CNDP2: variants seen among roughly 807,000 people sequenced by gnomAD.
The protein encoded by CNDP2 is carnosine dipeptidase 2.
CNDP2 carries 38 observed loss-of-function variants against 55.0 expected under a neutral mutation model. That is an observed-to-expected ratio of 0.69 (90% CI 0.53 to 0.90). The LOEUF (loss-of-function observed/expected upper bound fraction) is 0.90. Ranked by LOEUF, CNDP2 falls within the 40% of genes least tolerant of loss-of-function variation. CNDP2 has a pLI of 0.00. For missense variants in CNDP2, 607 were observed against 621.7 expected (o/e 0.98, Z 0.25); for synonymous variants, 241 against 260.2 (o/e 0.93, Z 0.71).
intron 9 of CNDP2, chr18:74,518,288 G>C: frequency 2.1e-6 from 1 of 470,024 alleles, no homozygotes; most frequent in Non-Finnish European, 3.8e-6. Context: ...AAAAAAAGAA[G>C]TCTCCTCTTT....
intron 6 of CNDP2, among the ~76,000 whole-genome samples, chr18:74,511,444 C>T (rs547359324): frequency 6.6e-5 from 10 of 152,174 alleles, no homozygotes; most frequent in East Asian, 1.9e-4. Flanking sequence ...CAGTGGCTCA[C>T]GCCTGTAATC....
At chr18:74,518,668 C>T (rs771247384) in intron 10 of CNDP2, 28 bp downstream of exon 10, 38 of 1,613,224 alleles carry the variant, frequency 2.4e-5, no homozygotes, top group East Asian at 1.1e-4. Flanking sequence ...TGGATGATGC[C>T]GCGCAGGGCC....
In CNDP2 at chr18:74,508,850, T is replaced by C. The variant is rs1472264204; in HGVS notation, c.378T>C (p.Tyr126=). The C allele has an allele frequency of 1.2e-6, 2 of 1,613,874 alleles. No homozygotes were observed. The highest frequency in any genetic ancestry group is 1.7e-6 in the Non-Finnish European group (2 of 1,179,910). Reference sequence around the variant, plus strand: ...GGATTGCTGTTCTAGGCAAGCTGTATGGGAGAGGTTCGACTGATGATAAGG... The same window carrying C: ...GGATTGCTGTTCTAGGCAAGCTGTACGGGAGAGGTTCGACTGATGATAAGG... ...FTLVERDGKL[Y]GRGSTDDKGP... is the part of the protein sequence containing the mutation. Residue 126 remains tyrosine (Y), a synonymous_variant, in exon 5 of 12, where the codon TAT becomes TAC. Transcript: ENST00000324262.
chr18:74,498,306 G>A (rs564868529), intron 1 of CNDP2, among the ~76,000 whole-genome samples: 1 of 152,184 alleles, frequency 6.6e-6, no homozygotes, highest in East Asian at 1.9e-4. Context: ...CTACAAACCC[G>A]TACATGTACC....
In CNDP2 at chr18:74,522,454, C is replaced by T. The variant is rs1980107349; in HGVS notation, c.*2386C>T. Reference sequence around the variant, plus strand: ...GGAACCCATGCTGAGAGGTGCTATGCTTTGAATGTTTGGCTCCTCCCAAAC... The same window carrying T: ...GGAACCCATGCTGAGAGGTGCTATGTTTTGAATGTTTGGCTCCTCCCAAAC... On this transcript the variant is annotated 3_prime_UTR_variant, in exon 12 of 12. Coordinates refer to ENST00000324262, the MANE Select transcript of CNDP2 (RefSeq NM_018235.3). 1 of 152,286 alleles carries T rather than the reference C, an allele frequency of 6.6e-6. No homozygotes were observed. The highest frequency in any genetic ancestry group is 1.5e-5 in the Non-Finnish European group (1 of 68,072). 9.4% of individuals were successfully genotyped at this position (152,286 alleles called of 1,614,324 possible).
At chr18:74,499,583 A>T (rs983055592) in intron 1 of CNDP2, 2 of 197,148 alleles carry the variant, frequency 1.0e-5, no homozygotes, top group African/African-American at 4.7e-5. Flanking sequence ...TTGTGCTTTA[A>T]GAGTGTAAAA....
chr18:74,499,615 AAACT>A (rs1978579721), intron 1 of CNDP2: 2 of 244,074 alleles, frequency 8.2e-6, no homozygotes, highest in Non-Finnish European at 1.6e-5. Context: ...AGTACCAGTA[AAACT>A]AAAAGTGCCT....
At chr18:74,502,823 G>A (rs1978785125) in intron 3 of CNDP2, among the ~76,000 whole-genome samples, 1 of 152,152 alleles carries the variant, frequency 6.6e-6, no homozygotes, top group Admixed American at 6.5e-5. Context: ...TCATCAGAGG[G>A]AGAGAGTGGA....
intron 6 of CNDP2, 109 bp from the exon 7 acceptor site, chr18:74,512,339 T>G: frequency 2.0e-6 from 2 of 1,012,354 alleles, no homozygotes; most frequent in Non-Finnish European, 2.9e-6. Context: ...CAAATTTTGA[T>G]TTGGGAAATT....
At chr18:74,510,376 A>G (rs538232695) in intron 5 of CNDP2, among the ~76,000 whole-genome samples, 1 of 152,220 alleles carries the variant, frequency 6.6e-6, no homozygotes, top group African/African-American at 2.4e-5. Flanking sequence ...TGATCCAGAC[A>G]CACGGCAAGG....
rs181356946 is a variant in CNDP2 at position 74,518,219 on chromosome 18, G to A, written c.1069-280G>A. The A allele has an allele frequency of 6.3e-3, 1,419 of 225,288 alleles. 7 individuals carry two copies. Among genetic ancestry groups the A allele is most frequent in the Non-Finnish European group, 8.8e-3 (984 of 111,696 alleles). The allele number at this position is 225,288 out of a possible 1,614,324, so 14.0% of individuals were successfully genotyped here. The stretch of plus-strand genomic sequence containing the variant: ...GGAGCTTGCAGTGAGCCGAGATCAC[G>A]CCACTGTGCTCCAGCCTGGACAACA... On this transcript the variant is annotated intron_variant, in intron 9 of 11. Transcript: ENST00000324262.
chr18:74,496,691 C>G (rs1978432648), intron 1 of CNDP2, among the ~76,000 whole-genome samples: 2 of 152,326 alleles, frequency 1.3e-5, no homozygotes, highest in East Asian at 3.9e-4. Flanking sequence ...CGAGCGCGTC[C>G]CCGGTACGCA....
chr18:74,510,755 C>T, intron 5 of CNDP2, 58 bp from the exon 6 acceptor site: 4 of 1,436,436 alleles, frequency 2.8e-6, no homozygotes, highest in Non-Finnish European at 3.9e-6. Flanking sequence ...CTGAGTGTGG[C>T]TTCTAGAAGG....
chr18:74,508,614 A>C, intron 4 of CNDP2: 3 of 473,380 alleles, frequency 6.3e-6, no homozygotes, highest in South Asian at 3.1e-5. Context: ...ACGGTGGGAG[A>C]AGGAAGGGGT....
chr18:74,505,785 C>T, intron 3 of CNDP2, 64 bp from the exon 4 acceptor site: 3 of 1,579,390 alleles, frequency 1.9e-6, no homozygotes, highest in Non-Finnish European at 2.6e-6. Flanking sequence ...TTAATAATCT[C>T]CACCTTAAGC....
At chr18:74,518,348 A>G in intron 9 of CNDP2, 151 bp from the exon 10 acceptor site, 2 of 704,750 alleles carry the variant, frequency 2.8e-6, no homozygotes, top group South Asian at 3.7e-5. Flanking sequence ...AATGAGACTC[A>G]TCGTAGACTC....
Position 74,518,970 on chromosome 18 carries a change from T to C in CNDP2, c.1232T>C (p.Leu411Ser). 2 of 1,614,194 alleles carry C rather than the reference T, an allele frequency of 1.2e-6. No individual in the cohort carries two copies. The highest frequency in any genetic ancestry group is 1.7e-6 in the Non-Finnish European group (2 of 1,180,028). The stretch of plus-strand genomic sequence containing the variant: ...CCAGTTTTTGGTGTTGAGCCAGACT[T>C]GACCAGGGAAGGCGGCAGTATTCCC... ...MKTVFGVEPD[L>S]TREGGSIPVT... The change falls in exon 11 of 12, where the codon TTG (leucine) becomes TCG (serine). Residue 411 changes from leucine to serine, a missense_variant. Transcript: ENST00000324262.
At chr18:74,508,076 A>C (rs1170756524) in intron 4 of CNDP2, 1 of 152,412 alleles carries the variant, frequency 6.6e-6, no homozygotes, top group East Asian at 1.9e-4. Context: ...AAGCAGGCTG[A>C]GCCCCGGGAG....
At chr18:74,505,724 C>T in intron 3 of CNDP2, 125 bp from the exon 4 acceptor site, 1 of 1,028,612 alleles carries the variant, frequency 9.7e-7, no homozygotes, top group Non-Finnish European at 1.4e-6. Flanking sequence ...TGCTCTTAAA[C>T]TCTACAATAG....
Sources: allele counts gnomAD v4.1 joint callset (sites outside exome capture counted in the v4.1 genomes callset), GRCh38; gene constraint gnomAD v4.1.1; transcripts MANE v1.5; gene names NCBI Gene and HGNC (gene_info 2026-07-23, HGNC 2026-07-21).